The following TASP1 variants were observed in gnomAD, a reference collection of about 807,000 sequenced individuals.
The protein encoded by TASP1 is threonine aspartase 1.
TASP1 carries 16 observed loss-of-function variants against 56.6 expected under a neutral mutation model. The ratio of observed to expected loss-of-function variants is 0.28; its 90% CI spans 0.19 to 0.43. The LOEUF is 0.43. TASP1 is among the 20% of genes least tolerant of loss of function. The probability of loss-of-function intolerance (pLI) is 1.00; values close to 1 mark genes in which losing one functional copy is unlikely to be tolerated. For synonymous variants in TASP1, 179 were observed against 184.2 expected, an observed-to-expected ratio of 0.97 and a Z score of 0.23; for missense variants, 393 against 511.6, an observed-to-expected ratio of 0.77 and a Z score of 2.24.
intron 10 of TASP1, among the ~76,000 whole-genome samples, chr20:13,502,166 T>C (rs932895249): frequency 3.3e-5 from 5 of 152,070 alleles, no homozygotes; most frequent in Non-Finnish European, 5.9e-5. Flanking sequence ...TTGGATGTCT[T>C]AGGAGATTAT....
rs372298703 is a variant in TASP1, at chr20:13,550,183, CACAG to C, written c.675+8821_675+8824del. Among the ~76,000 whole-genome samples, 701 of 150,500 alleles carry C rather than the reference CACAG, an allele frequency of 4.7e-3. 4 individuals are homozygous for C. The highest frequency in any genetic ancestry group is 0.012 in the East Asian group (60 of 5,124). ...ACACACACACACACACACACACACA[CACAG>C]AGACACTGCAATTGTCCAGTCATCA... On this transcript the variant is annotated intron_variant, in intron 8 of 13. Coordinates refer to ENST00000337743, the MANE Select transcript of TASP1 (RefSeq NM_017714.3).
At chr20:13,634,061 C>A (rs1031298159) in intron 1 of TASP1, among the ~76,000 whole-genome samples, 2 of 152,072 alleles carry the variant, frequency 1.3e-5, no homozygotes, top group Non-Finnish European at 2.9e-5. Flanking sequence ...CCCAAGAGAA[C>A]TAAAAACATA....
intron 1 of TASP1, among the ~76,000 whole-genome samples, chr20:13,632,373 A>G (rs967004690): frequency 2.0e-5 from 3 of 151,764 alleles, no homozygotes; most frequent in African/African-American, 4.8e-5. Context: ...TCAAAAAAAA[A>G]AAAAAAGAAA....
intron 7 of TASP1, among the ~76,000 whole-genome samples, chr20:13,565,822 T>C (rs1242519467): frequency 1.3e-5 from 2 of 152,052 alleles, no homozygotes; most frequent in Non-Finnish European, 2.9e-5. Flanking sequence ...AGAATAACCA[T>C]GTGATCCAGC....
chr20:13,513,991 G>A (rs2044431852), intron 10 of TASP1, among the ~76,000 whole-genome samples: 1 of 152,080 alleles, frequency 6.6e-6, no homozygotes, highest in Admixed American at 6.6e-5. Context: ...ATTTACTTTT[G>A]CATGAGAAGG....
chr20:13,625,207 A>C lies in TASP1; in HGVS notation c.191T>G (p.Val64Gly), dbSNP rs1228554704. 1 of 1,611,062 alleles carries C rather than the reference A, an allele frequency of 6.2e-7. No homozygotes were observed. The highest frequency in any genetic ancestry group is 1.3e-5 in the African/African-American group (1 of 74,814). The change falls in exon 3 of 14, where the codon GTA becomes GGA. Residue 64 changes from valine (V) to glycine (G), a missense_variant. Coordinates refer to ENST00000337743, the MANE Select transcript of TASP1 (RefSeq NM_017714.3). ...SESKAKEYKH[V>G]CKRACQKAIE... ...TACCTTCTGACAAGCTCGTTTGCATACATGTTTATACTCCTTGGCTTTGGA... is the reference window on the plus strand; with the variant it reads ...TACCTTCTGACAAGCTCGTTTGCATCCATGTTTATACTCCTTGGCTTTGGA...
chr20:13,304,279 C>T, the TASP1 span, among the ~76,000 whole-genome samples: 3 of 152,140 alleles, frequency 2.0e-5, no homozygotes, highest in Admixed American at 2.0e-4. Context: ...CCCAGTCAGT[C>T]TCTGCCAACT....
intron 4 of TASP1, among the ~76,000 whole-genome samples, chr20:13,599,860 A>G (rs889978120): frequency 6.6e-6 from 1 of 152,064 alleles, no homozygotes; most frequent in African/African-American, 2.4e-5. Flanking sequence ...CAACCACATA[A>G]AAACTTATTT....
chr20:13,435,242 G>T, intron 11 of TASP1, 88 bp from the exon 12 acceptor site: 3 of 971,756 alleles, frequency 3.1e-6, no homozygotes, highest in Non-Finnish European at 4.6e-6. Flanking sequence ...CAAAAATGTG[G>T]CATGAATAAG....
At chr20:13,359,479 T>C in the TASP1 span, among the ~76,000 whole-genome samples, 48,997 of 147,606 alleles carry the variant, frequency 0.33, 10,004 homozygotes, top group African/African-American at 0.59. Flanking sequence ...CCATCACGGA[T>C]GCCGAGCTTC....
the TASP1 span, chr20:13,159,936 T>G: frequency 6.9e-7 from 1 of 1,444,792 alleles, no homozygotes; most frequent in Non-Finnish European, 9.2e-7. Context: ...ATTCCTTTTT[T>G]GTCAGGATAA....
chr20:13,228,112 A>G, the TASP1 span, among the ~76,000 whole-genome samples: 1 of 151,864 alleles, frequency 6.6e-6, no homozygotes, highest in Non-Finnish European at 1.5e-5. Flanking sequence ...AGCTGGGATT[A>G]CAGGTACCCA....
chr20:13,624,871 C>A (rs914242653), intron 3 of TASP1, among the ~76,000 whole-genome samples: 2 of 151,552 alleles, frequency 1.3e-5, no homozygotes, highest in Non-Finnish European at 2.9e-5. Context: ...ACATTGACTG[C>A]CTTTAAGCTG....
chr20:13,117,963 G>A, the TASP1 span, among the ~76,000 whole-genome samples: 1 of 152,094 alleles, frequency 6.6e-6, no homozygotes, highest in Non-Finnish European at 1.5e-5. Flanking sequence ...TGGCAACACT[G>A]GCCGTGTACA....
chr20:13,165,099 T>TAC, the TASP1 span: 103,133 of 371,808 alleles, frequency 0.28, 10,227 homozygotes, highest in African/African-American at 0.38. Context: ...CTACTAGAAA[T>TAC]ACACACACAC....
chr20:13,420,219 G>A (rs1173296750), intron 12 of TASP1, among the ~76,000 whole-genome samples: 1 of 151,986 alleles, frequency 6.6e-6, no homozygotes, highest in Non-Finnish European at 1.5e-5. Context: ...ATTTTTAAAT[G>A]TATTATTCTC....
At chr20:13,164,433 T>G in the TASP1 span, 1 of 492,780 alleles carries the variant, frequency 2.0e-6, no homozygotes, top group South Asian at 1.6e-5. Context: ...AGACTACATA[T>G]AAGTCACTAC....
At chr20:13,238,555 T>C in the TASP1 span, among the ~76,000 whole-genome samples, 5 of 152,206 alleles carry the variant, frequency 3.3e-5, no homozygotes, top group African/African-American at 1.2e-4. Flanking sequence ...TCTCACAGAC[T>C]TATTAGCATT....
intron 11 of TASP1, among the ~76,000 whole-genome samples, chr20:13,442,816 A>G (rs1555852390): frequency 6.6e-6 from 1 of 152,058 alleles, no homozygotes; most frequent in Non-Finnish European, 1.5e-5. Flanking sequence ...AGTGCATTTC[A>G]AGATTCCATA....
Sources: gnomAD v4.1 joint callset for allele counts (sites outside exome capture counted in the v4.1 genomes callset) on GRCh38, gnomAD v4.1.1 for gene constraint, MANE v1.5 for transcripts, NCBI Gene and HGNC (gene_info 2026-07-23, HGNC 2026-07-21) for gene names.